The following RASGEF1C variants were observed in gnomAD, a reference collection of about 807,000 sequenced individuals.
RASGEF1C encodes the protein ras-GEF domain-containing family member 1C.
Under a neutral mutation model 58.1 loss-of-function variants are expected in RASGEF1C, and 27 were observed. The ratio of observed to expected loss-of-function variants is 0.46; its 90% confidence interval spans 0.34 to 0.64. RASGEF1C has a LOEUF of 0.64. Ranked by LOEUF, RASGEF1C falls within the 30% of genes least tolerant of loss-of-function variation. The pLI, the probability that RASGEF1C is intolerant of heterozygous loss-of-function variation, is 0.01. For synonymous variants in RASGEF1C, 243 were observed against 246.3 expected (o/e 0.99, Z 0.13); for missense variants, 502 against 605.1 (o/e 0.83, Z 1.79).
intron 4 of RASGEF1C, among the ~76,000 whole-genome samples, chr5:180,131,090 T>C (rs1367290632): frequency 1.3e-5 from 2 of 152,164 alleles, no homozygotes; most frequent in Non-Finnish European, 2.9e-5. Context: ...CTGTCATCTC[T>C]CTGCTGCACT....
chr5:180,180,887 T>G (rs1767313227), intron 1 of RASGEF1C, among the ~76,000 whole-genome samples: 3 of 152,168 alleles, frequency 2.0e-5, no homozygotes, highest in Admixed American at 2.0e-4. Context: ...CTTCACCCAC[T>G]AACCCTTTAA....
In RASGEF1C at chr5:180,101,236, C is replaced by T. The variant is rs941770148; in HGVS notation, c.*265G>A. On this transcript the variant is annotated 3_prime_UTR_variant, in exon 14 of 14. Coordinates refer to ENST00000361132, the MANE Select transcript of RASGEF1C (RefSeq NM_175062.4). ...GAGGATGGACAGACTGACCAGGCCC[C>T]ACGGTCCTGAAGGCAGGATGTCCCC... The T allele has an allele frequency of 3.3e-5, 18 of 541,906 alleles. No homozygotes were observed. The African/African-American group carries it at 3.4e-4, about 10-fold the overall frequency. The allele number at this position is 541,906 out of a possible 1,614,324, so 33.6% of individuals were successfully genotyped here.
intron 1 of RASGEF1C, among the ~76,000 whole-genome samples, chr5:180,152,788 G>A (rs1312518776): frequency 6.6e-6 from 1 of 151,738 alleles, no homozygotes; most frequent in Non-Finnish European, 1.5e-5. Flanking sequence ...GGCAGCGCCT[G>A]TAATCCCAGC....
intron 12 of RASGEF1C, among the ~76,000 whole-genome samples, chr5:180,106,778 G>T (rs770752497): frequency 6.6e-6 from 1 of 152,196 alleles, no homozygotes; most frequent in Non-Finnish European, 1.5e-5. Flanking sequence ...ATGTTGATTA[G>T]ATTCCTGTTG....
In RASGEF1C at chr5:180,155,383, C is replaced by T. The variant is rs1371704717; in HGVS notation, c.-6-17325G>A. Among the ~76,000 whole-genome samples the T allele has an allele frequency of 6.6e-6, 1 of 152,176 alleles. No individual in the cohort carries two copies. The highest frequency in any genetic ancestry group is 1.5e-5 in the Non-Finnish European group (1 of 68,028). ...TGTCTGAAGGGACGCTGTGGGGGAA[C>T]TGCAGCCTCCCTAGGCCGAGCCCAG... On this transcript the variant is annotated intron_variant, in intron 1 of 13. Transcript: ENST00000361132. This position sits in a 1 kb window ranked among gnomAD's most constrained non-coding sequence, Gnocchi z 5.2.
chr5:180,183,104 GC>G (rs1040929344), intron 1 of RASGEF1C, among the ~76,000 whole-genome samples: 2 of 152,124 alleles, frequency 1.3e-5, no homozygotes, highest in Non-Finnish European at 2.9e-5. Flanking sequence ...AAACAGATAA[GC>G]TTTTTTAAAA....
At chr5:180,116,741 C>G (rs1362892795) in intron 10 of RASGEF1C, among the ~76,000 whole-genome samples, 1 of 152,232 alleles carries the variant, frequency 6.6e-6, no homozygotes, top group East Asian at 1.9e-4. Flanking sequence ...CGGCTCCCAG[C>G]CCAGCTCGGC....
At chr5:180,144,316 T>TG (rs1766632210) in intron 1 of RASGEF1C, among the ~76,000 whole-genome samples, 1 of 152,170 alleles carries the variant, frequency 6.6e-6, no homozygotes, top group South Asian at 2.1e-4. Context: ...CTGCTGGAAA[T>TG]GGTCCCACTG....
chr5:180,204,152 G>A (rs945745472), intron 1 of RASGEF1C, among the ~76,000 whole-genome samples: 9 of 152,074 alleles, frequency 5.9e-5, no homozygotes, highest in African/African-American at 1.7e-4. Flanking sequence ...TCCATCGTAC[G>A]GATATATATC....
At position 180,145,529 on chromosome 5, in the gene RASGEF1C, G is replaced by A. The variant is rs1766650416; in HGVS notation, c.-6-7471C>T. On this transcript the variant is annotated intron_variant, in intron 1 of 13. Transcript: ENST00000361132. ...TTTTTGATAATGGCCATCCTAATGGGTGGGAAGTGGTATCTCATTGTGGTT... is the reference window on the plus strand; with the variant it reads ...TTTTTGATAATGGCCATCCTAATGGATGGGAAGTGGTATCTCATTGTGGTT... Among the ~76,000 whole-genome samples, 4 of 152,220 alleles carry A rather than the reference G, an allele frequency of 2.6e-5. No individual in the cohort carries two copies. The South Asian group carries it at 8.3e-4, about 32-fold the overall frequency.
chr5:180,169,695 A>G (rs1232654811), intron 1 of RASGEF1C, among the ~76,000 whole-genome samples: 9 of 152,064 alleles, frequency 5.9e-5, no homozygotes, highest in Admixed American at 5.2e-4. Context: ...TACCCAGCAC[A>G]GCGTGGGGAC....
At chr5:180,151,537 C>A (rs1766745302) in intron 1 of RASGEF1C, among the ~76,000 whole-genome samples, 1 of 152,108 alleles carries the variant, frequency 6.6e-6, no homozygotes, top group African/African-American at 2.4e-5. Context: ...GAAACTGGAT[C>A]CCTTCCTTAC....
At chr5:180,121,869 G>A (rs924553617) in intron 6 of RASGEF1C, among the ~76,000 whole-genome samples, 1 of 152,194 alleles carries the variant, frequency 6.6e-6, no homozygotes, top group Non-Finnish European at 1.5e-5. Context: ...CGCATCACAC[G>A]CTCAGACTTG....
intron 1 of RASGEF1C, among the ~76,000 whole-genome samples, chr5:180,152,671 A>G (rs1766778816): frequency 6.6e-6 from 1 of 151,540 alleles, no homozygotes; most frequent in African/African-American, 2.4e-5. Flanking sequence ...TATGTAACAA[A>G]CCTGCACGTT....
rs185412338 is a variant in RASGEF1C at position 180,187,294 on chromosome 5, C to T, written c.-7+21734G>A. 2.0e-4 allele frequency among the ~76,000 whole-genome samples: 30 copies of T among 152,204 alleles called. No individual in the cohort carries two copies. In the South Asian group the frequency reaches 3.5e-3, roughly 18 times the overall value. The stretch of plus-strand genomic sequence containing the variant: ...AAAATGGATCAGAGACCTATATATA[C>T]GAGCTAAAACTATAAAACTCTCAGG... On this transcript the variant is annotated intron_variant, in intron 1 of 13. Coordinates refer to ENST00000361132, the MANE Select transcript of RASGEF1C (RefSeq NM_175062.4).
chr5:180,117,567 G>A (rs1005180185), intron 10 of RASGEF1C, among the ~76,000 whole-genome samples: 9 of 152,178 alleles, frequency 5.9e-5, no homozygotes, highest in Non-Finnish European at 1.2e-4. Flanking sequence ...GATGGTAACA[G>A]GTTTCAAGCC....
intron 10 of RASGEF1C, among the ~76,000 whole-genome samples, chr5:180,116,673 G>GC (rs1766073463): frequency 6.6e-6 from 1 of 152,238 alleles, no homozygotes; most frequent in Non-Finnish European, 1.5e-5. Flanking sequence ...CTGCCCCACA[G>GC]CCCCCGTGTC....
intron 1 of RASGEF1C, among the ~76,000 whole-genome samples, chr5:180,176,798 C>T (rs1035618830): frequency 2.6e-5 from 4 of 152,086 alleles, no homozygotes; most frequent in South Asian, 2.1e-4. Context: ...CTTCATGATC[C>T]GCCCGCCTCG....
intron 6 of RASGEF1C, among the ~76,000 whole-genome samples, chr5:180,122,855 C>T (rs759530537): frequency 6.6e-6 from 1 of 150,404 alleles, no homozygotes; most frequent in Non-Finnish European, 1.5e-5. Context: ...CCTATTCATC[C>T]AAAGGAAGCA....
Sources: allele counts gnomAD v4.1 joint callset (sites outside exome capture counted in the v4.1 genomes callset), GRCh38; gene constraint gnomAD v4.1.1; non-coding constraint Gnocchi (gnomAD v3.1); transcripts MANE v1.5; gene names NCBI Gene and HGNC (gene_info 2026-07-23, HGNC 2026-07-21).